The following ZNF18 variants were observed in gnomAD, a reference collection of about 807,000 sequenced individuals.
ZNF18 encodes heart development-specific gene 1 protein.
Under a neutral mutation model 58.1 loss-of-function variants are expected in ZNF18, and 42 were observed. The ratio of observed to expected loss-of-function variants is 0.72; its 90% CI spans 0.56 to 0.93. The LOEUF is 0.93. ZNF18 is among the 40% of genes least tolerant of loss of function. The pLI is 0.00. For missense variants in ZNF18, 540 were observed against 644.2 expected (o/e 0.84, Z 1.75); for synonymous variants, 231 against 239.8 (o/e 0.96, Z 0.34).
the ZNF18 span, among the ~76,000 whole-genome samples, chr17:12,012,487 T>A: frequency 6.6e-6 from 1 of 152,306 alleles, no homozygotes; most frequent in South Asian, 2.1e-4. Flanking sequence ...GAGGTATAAT[T>A]TCTGGGTTAA....
chr17:12,012,806 G>A, the ZNF18 span, among the ~76,000 whole-genome samples: 1 of 152,244 alleles, frequency 6.6e-6, no homozygotes, highest in African/African-American at 2.4e-5. Flanking sequence ...CTCCCAAAGT[G>A]TTGGGATTAT....
intron 4 of ZNF18, among the ~76,000 whole-genome samples, chr17:11,986,816 A>G (rs1967774049): frequency 6.6e-6 from 1 of 152,206 alleles, no homozygotes; most frequent in Non-Finnish European, 1.5e-5. Flanking sequence ...GATCTATTCC[A>G]TGAACACCAG....
At chr17:12,006,265 C>T in the ZNF18 span, among the ~76,000 whole-genome samples, 6 of 152,078 alleles carry the variant, frequency 3.9e-5, no homozygotes, top group Middle Eastern at 3.2e-3. Flanking sequence ...AATCAGGAGG[C>T]CTTTGGAAGA....
intron 2 of ZNF18, among the ~76,000 whole-genome samples, chr17:11,991,815 T>C (rs1358386688): frequency 6.6e-6 from 1 of 152,056 alleles, no homozygotes; most frequent in Non-Finnish European, 1.5e-5. Context: ...TCCACCCAGC[T>C]TCTGAGGAGG....
the ZNF18 span, among the ~76,000 whole-genome samples, chr17:12,016,383 G>A: frequency 8.3e-3 from 1,257 of 152,046 alleles, 18 homozygotes; most frequent in African/African-American, 0.029. Flanking sequence ...AGGCTGGAGA[G>A]CAGTGGCACG....
At position 11,995,934 on chromosome 17, in the gene ZNF18, A is replaced by T. The variant is rs570645870; in HGVS notation, c.-83+1497T>A. On this transcript the variant is annotated intron_variant, in intron 1 of 6. Coordinates refer to ENST00000580306, the MANE Select transcript of ZNF18 (RefSeq NM_001303281.2). ...ATTAAAGCAATACCAAAAAACACTC[A>T]AAAACCCAATATCTGATAGAAAAGG... 2.4e-3 allele frequency among the ~76,000 whole-genome samples: 365 copies of T among 152,322 alleles called. 2 individuals carry two copies. Among genetic ancestry groups the T allele is most frequent in the Non-Finnish European group, 4.3e-3 (293 of 68,034 alleles).
intron 2 of ZNF18, among the ~76,000 whole-genome samples, chr17:11,991,581 A>G (rs1352217320): frequency 1.3e-5 from 2 of 152,232 alleles, no homozygotes; most frequent in East Asian, 1.9e-4. Flanking sequence ...CTGTGGTATA[A>G]TAAGAAATAC....
intron 6 of ZNF18, among the ~76,000 whole-genome samples, chr17:11,979,280 C>T (rs887029320): frequency 6.6e-6 from 1 of 152,152 alleles, no homozygotes. Context: ...TATTTTCTGA[C>T]ATAATTTGTG....
chr17:12,020,693 G>A, the ZNF18 span: 207 of 357,058 alleles, frequency 5.8e-4, 1 homozygote, highest in East Asian at 8.2e-3. Context: ...CGCACCCAGA[G>A]CCGGGCGGTT....
intron 1 of ZNF18, chr17:11,996,763 G>C (rs564288727): frequency 9.9e-5 from 15 of 152,154 alleles, no homozygotes; most frequent in African/African-American, 3.4e-4. Flanking sequence ...ACTACGTATC[G>C]GCTCATTATT....
At chr17:12,005,032 C>T in the ZNF18 span, among the ~76,000 whole-genome samples, 1 of 150,410 alleles carries the variant, frequency 6.6e-6, no homozygotes, top group Non-Finnish European at 1.5e-5. Context: ...TATATTTATA[C>T]ACACACTAAG....
chr17:12,018,939 T>A, the ZNF18 span, among the ~76,000 whole-genome samples: 5 of 150,634 alleles, frequency 3.3e-5, no homozygotes, highest in Non-Finnish European at 7.4e-5. Context: ...TATATATATA[T>A]AAATATAACT....
In ZNF18 at chr17:11,977,935, GGAAA is replaced by G. The variant is rs1567595353; in HGVS notation, c.*18_*21del. 6.5e-7 allele frequency: 1 copy of G among 1,536,646 alleles called. No homozygotes were observed. ...TGACTGGGCTGGGAGATAGAAATGG[GGAAA>G]GAGAGTTTGGTTACTGGCTATTGAA... is the stretch of plus-strand genomic sequence containing the variant. On this transcript the variant is annotated 3_prime_UTR_variant, in exon 7 of 7. Transcript: ENST00000580306.
At position 11,996,632 on chromosome 17, in the gene ZNF18, T is replaced by C. The variant is rs574778024; in HGVS notation, c.-83+799A>G. 2.6e-5 allele frequency among the ~76,000 whole-genome samples: 4 copies of C among 152,322 alleles called. No individual in the cohort carries two copies. In the South Asian group the frequency reaches 6.2e-4, roughly 24 times the overall value. On this transcript the variant is annotated intron_variant, in intron 1 of 6. Coordinates refer to ENST00000580306, the MANE Select transcript of ZNF18 (RefSeq NM_001303281.2). Reference sequence around the variant, plus strand: ...TATGAAAAAAAAATAAGGTTGTCTGTTATACCTGTTATTAAACCTTTAACA... The same window carrying C: ...TATGAAAAAAAAATAAGGTTGTCTGCTATACCTGTTATTAAACCTTTAACA...
intron 2 of ZNF18, 42 bp downstream of exon 2, chr17:11,992,401 A>T (rs756842946): frequency 6.3e-7 from 1 of 1,583,588 alleles, no homozygotes; most frequent in Admixed American, 1.7e-5. Context: ...ACCAGAGAGG[A>T]GCCCTGTGTT....
At chr17:11,990,584 A>G in intron 3 of ZNF18, 34 bp from the exon 4 acceptor site, 1 of 1,571,890 alleles carries the variant, frequency 6.4e-7, no homozygotes, top group East Asian at 2.3e-5. Flanking sequence ...CAGAATCTGG[A>G]TGTCTTCCTT....
chr17:11,988,937 T>C (rs182745752), intron 4 of ZNF18, among the ~76,000 whole-genome samples: 1 of 152,148 alleles, frequency 6.6e-6, no homozygotes, highest in East Asian at 1.9e-4. Context: ...GCTGGGTGGA[T>C]CACTTGAGGT....
intron 6 of ZNF18, among the ~76,000 whole-genome samples, chr17:11,979,324 G>A (rs1291216195): frequency 1.3e-5 from 2 of 152,116 alleles, no homozygotes; most frequent in Non-Finnish European, 2.9e-5. Flanking sequence ...ATCTAGCTAT[G>A]GAGCATTTAA....
chr17:12,020,901 C>A, the ZNF18 span: 1 of 1,215,528 alleles, frequency 8.2e-7, no homozygotes, highest in Non-Finnish European at 1.0e-6. Context: ...CGGCTCCGAG[C>A]CCGAGCGGCG....
Sources: allele counts gnomAD v4.1 joint callset (sites outside exome capture counted in the v4.1 genomes callset), GRCh38; gene constraint gnomAD v4.1.1; transcripts MANE v1.5; gene names NCBI Gene and HGNC (gene_info 2026-07-23, HGNC 2026-07-21).